Variants in SYT1 observed in about 807,000 individuals in gnomAD.
SYT1 encodes the protein synaptotagmin-1.
In SYT1, 8 loss-of-function variants were observed where a neutral mutation model predicts 44.8. That is an observed-to-expected ratio of 0.18 (90% CI 0.10 to 0.32). The LOEUF (loss-of-function observed/expected upper bound fraction) is 0.32. Ranked by LOEUF, SYT1 falls within the 10% of genes least tolerant of loss-of-function variation. The pLI is 1.00. For missense variants in SYT1, 286 were observed against 509.3 expected, an observed-to-expected ratio of 0.56 and a Z score of 4.22; for synonymous variants, 154 against 188.8, an observed-to-expected ratio of 0.82 and a Z score of 1.51.
chr12:79,050,631 T>G (rs1874408646), intron 3 of SYT1, among the ~76,000 whole-genome samples: 2 of 152,064 alleles, frequency 1.3e-5, no homozygotes, highest in South Asian at 4.1e-4. Context: ...TGGGAGTTGA[T>G]ACACTCACTC....
At chr12:78,965,848 G>A (rs916623914) in intron 1 of SYT1, among the ~76,000 whole-genome samples, 1 of 152,070 alleles carries the variant, frequency 6.6e-6, no homozygotes, top group Non-Finnish European at 1.5e-5. Flanking sequence ...GGAGGCTGAG[G>A]TGGGTGGATC....
intron 3 of SYT1, among the ~76,000 whole-genome samples, chr12:79,215,910 A>ATCTCTTTAT (rs1874760511): frequency 1.1e-5 from 1 of 88,086 alleles, no homozygotes; most frequent in Non-Finnish European, 2.3e-5. Flanking sequence ...AATCGTTTGC[A>ATCTCTTTAT]TTTCTTTCTT....
At position 79,410,637 on chromosome 12, in the gene SYT1, C is replaced by T. The variant is rs138674266; in HGVS notation, c.929-33436C>T. 1.5e-3 allele frequency among the ~76,000 whole-genome samples: 221 copies of T among 151,798 alleles called. 1 individual carries two copies. Among genetic ancestry groups the T allele is most frequent in the African/African-American group, 5.1e-3 (210 of 41,404 alleles). On this transcript the variant is annotated intron_variant, in intron 9 of 10. Coordinates refer to ENST00000261205, the MANE Select transcript of SYT1 (RefSeq NM_005639.3). ...GGCTCCTTTTCCCTAAATGTATTTA[C>T]TGAAGGCCTCTGTATTTTAATAAGC...
At chr12:79,230,174 G>GT (rs1252344516) in intron 4 of SYT1, among the ~76,000 whole-genome samples, 8 of 152,150 alleles carry the variant, frequency 5.3e-5, no homozygotes, top group African/African-American at 1.9e-4. Context: ...AACACAAAGT[G>GT]TTTTTGCATG....
intron 2 of SYT1, among the ~76,000 whole-genome samples, chr12:79,031,157 A>T (rs1201220359): frequency 6.6e-6 from 1 of 151,142 alleles, no homozygotes; most frequent in Non-Finnish European, 1.5e-5. Flanking sequence ...TGAAATAATC[A>T]TCAAAATAGT....
chr12:79,240,020 A>G (rs1377226276), intron 4 of SYT1, among the ~76,000 whole-genome samples: 1 of 152,194 alleles, frequency 6.6e-6, no homozygotes, highest in African/African-American at 2.4e-5. Context: ...CCTATTTGGG[A>G]ATTTAATTAC....
chr12:79,193,012 A>G (rs1470983998), intron 3 of SYT1, among the ~76,000 whole-genome samples: 1 of 152,168 alleles, frequency 6.6e-6, no homozygotes, highest in African/African-American at 2.4e-5. Context: ...GTGATTCTAC[A>G]TTTCATTTTA....
chr12:78,959,899 T>C (rs1879416042), intron 1 of SYT1, among the ~76,000 whole-genome samples: 1 of 152,180 alleles, frequency 6.6e-6, no homozygotes, highest in Non-Finnish European at 1.5e-5. Context: ...TTCTGAAGAA[T>C]TGTGGTTATA....
intron 5 of SYT1, 120 bp downstream of exon 5, chr12:79,286,091 CT>C: frequency 1.9e-6 from 2 of 1,077,410 alleles, no homozygotes; most frequent in Non-Finnish European, 2.6e-6. Flanking sequence ...TTTTGAGATG[CT>C]TTGCAAACCT....
chr12:79,060,845 C>T (rs1875329135), intron 3 of SYT1, among the ~76,000 whole-genome samples: 1 of 151,560 alleles, frequency 6.6e-6, no homozygotes, highest in Non-Finnish European at 1.5e-5. Context: ...TATCATAAGC[C>T]CTAAAATTAA....
At chr12:79,084,444 C>T (rs1057081481) in intron 3 of SYT1, among the ~76,000 whole-genome samples, 10 of 152,118 alleles carry the variant, frequency 6.6e-5, no homozygotes, top group Admixed American at 2.0e-4. Flanking sequence ...GCAGTGGTGA[C>T]TCCATCATTC....
At chr12:79,414,406 G>GTATGT (rs1868611741) in intron 9 of SYT1, among the ~76,000 whole-genome samples, 1 of 152,048 alleles carries the variant, frequency 6.6e-6, no homozygotes, top group Non-Finnish European at 1.5e-5. Flanking sequence ...TTAGATCCTT[G>GTATGT]TATGTTGTAC....
chr12:79,104,708 A>C (rs1418666494), intron 3 of SYT1, among the ~76,000 whole-genome samples: 1 of 151,920 alleles, frequency 6.6e-6, no homozygotes, highest in Non-Finnish European at 1.5e-5. Flanking sequence ...TAAATTAGGT[A>C]AGTTCAGATA....
chr12:79,241,748 C>T (rs989334658), intron 4 of SYT1, among the ~76,000 whole-genome samples: 1 of 152,142 alleles, frequency 6.6e-6, no homozygotes, highest in Non-Finnish European at 1.5e-5. Context: ...ATCATGTGCC[C>T]CATACTGTAT....
intron 2 of SYT1, among the ~76,000 whole-genome samples, chr12:79,041,061 G>A (rs1186350712): frequency 6.6e-6 from 1 of 152,138 alleles, no homozygotes; most frequent in East Asian, 1.9e-4. Flanking sequence ...GTAGTGTGAT[G>A]CCTCCAGCTT....
At chr12:79,222,797 C>G (rs919487343) in intron 4 of SYT1, among the ~76,000 whole-genome samples, 2 of 152,126 alleles carry the variant, frequency 1.3e-5, no homozygotes, top group Non-Finnish European at 2.9e-5. Flanking sequence ...TTCATTTCCT[C>G]TCATTCTTTT....
At chr12:79,096,703 A>T (rs1379095968) in intron 3 of SYT1, among the ~76,000 whole-genome samples, 1 of 152,024 alleles carries the variant, frequency 6.6e-6, no homozygotes, top group Non-Finnish European at 1.5e-5. Context: ...TGTGATTGGA[A>T]GGAAGAATCA....
intron 3 of SYT1, among the ~76,000 whole-genome samples, chr12:79,167,338 C>A (rs1871277722): frequency 6.6e-6 from 1 of 151,894 alleles, no homozygotes; most frequent in Non-Finnish European, 1.5e-5. Flanking sequence ...TCATTCCTAG[C>A]CTGAATAATA....
chr12:78,984,972 A>G (rs1869534574), intron 2 of SYT1, among the ~76,000 whole-genome samples: 1 of 151,954 alleles, frequency 6.6e-6, no homozygotes, highest in African/African-American at 2.4e-5. Flanking sequence ...TCAAGATGCT[A>G]AAGAGAGAAA....
Sources: allele counts gnomAD v4.1 joint callset (sites outside exome capture counted in the v4.1 genomes callset), GRCh38; gene constraint gnomAD v4.1.1; transcripts MANE v1.5; gene names NCBI Gene and HGNC (gene_info 2026-07-23, HGNC 2026-07-21).